Variants in SH3BP4 observed in about 807,000 individuals in gnomAD.
SH3BP4 encodes the protein SH3 domain binding protein 4.
Under a neutral mutation model 65.5 loss-of-function variants are expected in SH3BP4, and 33 were observed. The observed-to-expected ratio is 0.50, with a 90% CI of 0.38 to 0.67. The LOEUF is 0.67. Among genes scored for constraint, SH3BP4 ranks in the 30% least tolerant of loss-of-function variants. The pLI is 0.00. For missense variants in SH3BP4, 1,134 were observed against 1,261.4 expected (o/e 0.90, Z 1.53); for synonymous variants, 552 against 545.5 (o/e 1.01, Z -0.17).
In SH3BP4 at chr2:234,965,143, G is replaced by C. The variant is rs144292019; in HGVS notation, c.-207+12973G>C. Among the ~76,000 whole-genome samples the C allele has an allele frequency of 4.5e-4, 69 of 152,344 alleles. No homozygotes were observed. In the East Asian group the frequency reaches 0.013, roughly 29 times the overall value. On this transcript the variant is annotated intron_variant, in intron 1 of 5. Coordinates refer to ENST00000392011, the MANE Select transcript of SH3BP4 (RefSeq NM_014521.3). ...CACTTCAGAAACTAAGCTGACGGTT[G>C]AATCATTGAAGGAGTCACAGCATTC...
intron 1 of SH3BP4, among the ~76,000 whole-genome samples, chr2:234,963,384 C>T (rs1429496771): frequency 1.3e-5 from 2 of 152,146 alleles, no homozygotes; most frequent in East Asian, 3.8e-4. Flanking sequence ...CAGAAAAGCA[C>T]CTCAAAAGGG....
rs1269209288 is a variant in SH3BP4, at chr2:234,976,370, G to A, written c.-206-18933G>A. ...TCAGTCACTTAGATTTTAAACTTGT[G>A]TTGACCTTATAGTCAACTGATAGTT... On this transcript the variant is annotated intron_variant, in intron 1 of 5. Transcript: ENST00000392011. This position sits in a 1 kb window ranked among gnomAD's most constrained non-coding sequence, Gnocchi z 4.7. Among the ~76,000 whole-genome samples, 1 of 152,166 alleles carries A rather than the reference G, an allele frequency of 6.6e-6. No homozygotes were observed. Among genetic ancestry groups the A allele is most frequent in the Non-Finnish European group, 1.5e-5 (1 of 68,036 alleles).
At position 235,034,951 on chromosome 2, in the gene SH3BP4, G is replaced by A; in HGVS notation, c.-52G>A. 1 of 1,485,416 alleles carries A rather than the reference G, an allele frequency of 6.7e-7. No individual in the cohort carries two copies. Among genetic ancestry groups the A allele is most frequent in the Non-Finnish European group, 9.4e-7 (1 of 1,066,310 alleles). The allele number at this position is 1,485,416 out of a possible 1,614,324, so 92.0% of individuals were successfully genotyped here. A position where few individuals can be genotyped will look rare whatever the true frequency, so the allele number is the denominator to read the frequency against. ...AGCTTCAGCATCTGCTGGGATAACT[G>A]GAGGAAGAAATATGAAGCCTTAGCG... is the stretch of plus-strand genomic sequence containing the variant. On this transcript the variant is annotated 5_prime_UTR_variant, in exon 3 of 6. Transcript: ENST00000392011. This position sits in a 1 kb window ranked among gnomAD's most constrained non-coding sequence, Gnocchi z 6.2.
chr2:234,998,200 C>T (rs1693983891), intron 2 of SH3BP4, among the ~76,000 whole-genome samples: 1 of 152,192 alleles, frequency 6.6e-6, no homozygotes, highest in Non-Finnish European at 1.5e-5. Context: ...CTAAACCACT[C>T]CTCTGTTCCT....
intron 1 of SH3BP4, among the ~76,000 whole-genome samples, chr2:234,987,511 C>T (rs925317704): frequency 1.3e-5 from 2 of 152,126 alleles, no homozygotes; most frequent in East Asian, 1.9e-4. Context: ...AAACGTGAAC[C>T]CACATGTTTG....
In SH3BP4 at chr2:235,026,998, C is replaced by A. The variant is rs763357192; in HGVS notation, c.-132-7873C>A. ...ACGTTCAGGGTGATATGACGATAGA[C>A]AGTGCTCCAGGAGCATTAGGAAAGG... is the stretch of plus-strand genomic sequence containing the variant. On this transcript the variant is annotated intron_variant, in intron 2 of 5. Transcript: ENST00000392011. This position sits in a 1 kb window ranked among gnomAD's most constrained non-coding sequence, Gnocchi z 4.6. Among the ~76,000 whole-genome samples the A allele has an allele frequency of 5.3e-5, 8 of 152,244 alleles. No homozygotes were observed. Among genetic ancestry groups the A allele is most frequent in the Non-Finnish European group, 8.8e-5 (6 of 68,050 alleles).
chr2:235,032,465 A>G (rs1210834746), intron 2 of SH3BP4, among the ~76,000 whole-genome samples: 2 of 152,140 alleles, frequency 1.3e-5, no homozygotes, highest in African/African-American at 4.8e-5. Context: ...TTGTATGGGA[A>G]GGATTTTTAC....
At chr2:235,038,376 CATA>C (rs1361163625) in intron 3 of SH3BP4, among the ~76,000 whole-genome samples, 3 of 12,362 alleles carry the variant, frequency 2.4e-4, no homozygotes, top group Admixed American at 1.1e-3. Context: ...AATATATATA[CATA>C]TATATATATA....
At chr2:235,028,082 A>T (rs1274872454) in intron 2 of SH3BP4, among the ~76,000 whole-genome samples, 2 of 152,146 alleles carry the variant, frequency 1.3e-5, no homozygotes, top group Non-Finnish European at 2.9e-5. Flanking sequence ...GTTCCTGGGG[A>T]GGAGCCAAGA....
In SH3BP4 at chr2:235,046,146, G is replaced by C. The variant is rs1268010685; in HGVS notation, c.2478+2899G>C. ...AGATGCTATGCTGTTCCTCTTCCTG[G>C]AGCTCCCTTTCCCAGACCTCCTCAT... On this transcript the variant is annotated intron_variant, in intron 4 of 5. Transcript: ENST00000392011. This position sits in a 1 kb window ranked among gnomAD's most constrained non-coding sequence, Gnocchi z 4.2. Among the ~76,000 whole-genome samples, 2 of 152,100 alleles carry C rather than the reference G, an allele frequency of 1.3e-5. No homozygotes were observed. Among genetic ancestry groups the C allele is most frequent in the African/African-American group, 4.8e-5 (2 of 41,408 alleles).
intron 2 of SH3BP4, among the ~76,000 whole-genome samples, chr2:235,004,382 A>G (rs145632541): frequency 1.1e-4 from 16 of 152,286 alleles, no homozygotes; most frequent in African/African-American, 3.4e-4. Flanking sequence ...ATTGAAATGA[A>G]GTTCACATAA....
At chr2:235,004,696 T>C (rs1694238945) in intron 2 of SH3BP4, among the ~76,000 whole-genome samples, 1 of 152,254 alleles carries the variant, frequency 6.6e-6, no homozygotes, top group South Asian at 2.1e-4. Context: ...CGTGGCAGCA[T>C]GTGTCAAAAT....
intron 4 of SH3BP4, among the ~76,000 whole-genome samples, chr2:235,050,147 GCT>G (rs1696001877): frequency 6.6e-6 from 1 of 151,444 alleles, no homozygotes; most frequent in Non-Finnish European, 1.5e-5. Flanking sequence ...ACGGAGTCTC[GCT>G]CTGTCCCCTA....
At chr2:235,010,074 C>T (rs1157012581) in intron 2 of SH3BP4, among the ~76,000 whole-genome samples, 1 of 152,030 alleles carries the variant, frequency 6.6e-6, no homozygotes, top group Admixed American at 6.6e-5. Flanking sequence ...TCCCCGGGAT[C>T]CCCCAAACTA....
chr2:235,034,981 T>C lies in SH3BP4; in HGVS notation c.-22T>C. The C allele has an allele frequency of 6.2e-7, 1 of 1,604,262 alleles. No homozygotes were observed. The highest frequency in any genetic ancestry group is 2.2e-5 in the East Asian group (1 of 44,788). On this transcript the variant is annotated 5_prime_UTR_variant, in exon 3 of 6. Transcript: ENST00000392011. This position sits in a 1 kb window ranked among gnomAD's most constrained non-coding sequence, Gnocchi z 6.2. ...AAGAAATATGAAGCCTTAGCGGCTT[T>C]ACCCGGGAAGCGAGTTTCGAGATGG...
rs376165917 is a variant in SH3BP4, at chr2:235,042,838, G to A, written c.2069G>A (p.Arg690Gln). ...GGGATCGCCCTGCTCAGCGAGGAGCGGGTCAGGCTCCGGGGCCAGCTGTGG... is the reference window on the plus strand; with the variant it reads ...GGGATCGCCCTGCTCAGCGAGGAGCAGGTCAGGCTCCGGGGCCAGCTGTGG... ...GDGIALLSEE[R>Q]VRLRGQLWTK... The change falls in exon 4 of 6, where the codon CGG (arginine) becomes CAG (glutamine). Residue 690 changes from arginine (R) to glutamine (Q), a missense_variant. Coordinates refer to ENST00000392011, the MANE Select transcript of SH3BP4 (RefSeq NM_014521.3). This position sits in a 1 kb window ranked among gnomAD's most constrained non-coding sequence, Gnocchi z 7.3. The A allele has an allele frequency of 6.7e-5, 108 of 1,613,814 alleles. No homozygotes were observed. In the East Asian group the frequency reaches 1.8e-3, roughly 28 times the overall value.
Position 235,042,187 on chromosome 2 carries a change from A to C in SH3BP4, c.1418A>C (p.Lys473Thr), listed in dbSNP as rs1695680261. ...ACCGTGTGGGACTTCATCAATAAAA[A>C]AGTCACAGTGGGTCTCTACGGCCCT... ...PSTVWDFINK[K>T]VTVGLYGPKH... is the part of the protein sequence containing the mutation. The change falls in exon 4 of 6, where the codon AAA becomes ACA. Residue 473 changes from lysine (K) to threonine (T), a missense_variant. Coordinates refer to ENST00000392011, the MANE Select transcript of SH3BP4 (RefSeq NM_014521.3). This position sits in a 1 kb window ranked among gnomAD's most constrained non-coding sequence, Gnocchi z 7.3. 6.2e-7 allele frequency: 1 copy of C among 1,614,122 alleles called. No homozygotes were observed.
chr2:235,052,702 C>A lies in SH3BP4; in HGVS notation c.2619C>A (p.Asp873Glu). Residue 873 changes from aspartate to glutamate, a missense_variant, in exon 5 of 6, where the codon GAC (aspartate) becomes GAA (glutamate). By Grantham distance (45) the Asp-to-Glu change is conservative. Transcript: ENST00000392011. This position sits in a 1 kb window ranked among gnomAD's most constrained non-coding sequence, Gnocchi z 5.0. ...CCAAGGTCTCCAAGCAGCAGATGGA[C>A]GCCTACGAGTCTCCCCACCGGGACA... Reference protein sequence around the residue: ...KLAKVSKQQMDAYESPHRDRN... With the variant: ...KLAKVSKQQMEAYESPHRDRN... The A allele has an allele frequency of 3.7e-6, 6 of 1,605,670 alleles. No homozygotes were observed. Among genetic ancestry groups the A allele is most frequent in the Non-Finnish European group, 5.1e-6 (6 of 1,176,626 alleles).
chr2:234,990,211 AT>A (rs759814938), intron 1 of SH3BP4, among the ~76,000 whole-genome samples: 4 of 152,180 alleles, frequency 2.6e-5, no homozygotes, highest in African/African-American at 4.8e-5. Flanking sequence ...CTCAGCGTGT[AT>A]TTAGTTCTAC....
Sources: gnomAD v4.1 joint callset for allele counts (sites outside exome capture counted in the v4.1 genomes callset) on GRCh38, gnomAD v4.1.1 for gene constraint, Gnocchi (gnomAD v3.1) non-coding constraint, MANE v1.5 for transcripts, NCBI Gene and HGNC (gene_info 2026-07-23, HGNC 2026-07-21) for gene names.